Variants in HNF4A observed in about 807,000 individuals in gnomAD.
HNF4A encodes hepatocyte nuclear factor 4-alpha.
In HNF4A, 15 loss-of-function variants were observed where a neutral mutation model predicts 52.4. The observed-to-expected ratio is 0.29, with a 90% CI of 0.19 to 0.44. The LOEUF is 0.44. Among genes scored for constraint, HNF4A ranks in the 20% least tolerant of loss-of-function variants. The probability of loss-of-function intolerance (pLI) is 1.00; values close to 1 mark genes in which losing one functional copy is unlikely to be tolerated. For missense variants in HNF4A, 479 were observed against 647.2 expected, an observed-to-expected ratio of 0.74 and a Z score of 2.82; for synonymous variants, 280 against 264.4, an observed-to-expected ratio of 1.06 and a Z score of -0.57.
At position 44,424,102 on chromosome 20, in the gene HNF4A, G is replaced by A. The variant is rs753027685; in HGVS notation, c.977G>A (p.Arg326His). ...AGCTTGGAGGACTACATCAACGACC[G>A]CCAGTATGACTCGCGTGGCCGCTTT... is the stretch of plus-strand genomic sequence containing the variant. The change falls in exon 8 of 10, where the codon CGC becomes CAC. Residue 326 changes from arginine to histidine, a missense_variant. By Grantham distance (29) the Arg-to-His change is conservative. Transcript: ENST00000316099. The A allele has an allele frequency of 5.6e-6, 9 of 1,613,306 alleles. No individual in the cohort carries two copies. The highest frequency in any genetic ancestry group is 3.3e-5 in the Admixed American group (2 of 59,978).
intron 1 of HNF4A, 126 bp from the exon 2 acceptor site, chr20:44,405,932 T>G (rs1332293155): frequency 8.0e-6 from 7 of 875,338 alleles, no homozygotes; most frequent in African/African-American, 1.6e-5. Context: ...AGTGGGGAGG[T>G]GATGGAGTGG....
chr20:44,372,898 T>C (rs1474806597), intron 1 of HNF4A: 1 of 152,180 alleles, frequency 6.6e-6, no homozygotes, highest in East Asian at 1.9e-4. Flanking sequence ...AAGGGGCTAA[T>C]AGGGTAGTGG....
At position 44,428,454 on chromosome 20, in the gene HNF4A, A is replaced by G; in HGVS notation, c.1249A>G (p.Met417Val). ...GCCCACTCACCTCAGCAACGGACAG[A>G]TGTGTGAGTGGCCCCGACCCAGGGG... The change falls in exon 9 of 10, where the codon ATG (methionine) becomes GTG (valine). Residue 417 changes from methionine to valine, a missense_variant. Physicochemically the swap from Met to Val is conservative, Grantham distance 21. Coordinates refer to ENST00000316099, the MANE Select transcript of HNF4A (RefSeq NM_000457.6). 1 of 1,614,150 alleles carries G rather than the reference A, an allele frequency of 6.2e-7. No individual in the cohort carries two copies. Among genetic ancestry groups the G allele is most frequent in the Non-Finnish European group, 8.5e-7 (1 of 1,180,024 alleles).
chr20:44,415,677 G>A (rs2146423052), intron 5 of HNF4A, among the ~76,000 whole-genome samples: 1 of 152,344 alleles, frequency 6.6e-6, no homozygotes, highest in South Asian at 2.1e-4. Flanking sequence ...GTCTCGTCCA[G>A]GCAGTTGTTT....
chr20:44,409,363 A>C (rs150066202), intron 3 of HNF4A, among the ~76,000 whole-genome samples: 1 of 152,366 alleles, frequency 6.6e-6, no homozygotes, highest in East Asian at 1.9e-4. Context: ...GGAGGCAAGA[A>C]AAAGATTGAG....
downstream of HNF4A, chr20:44,433,935 G>T (rs1226866486): frequency 6.6e-6 from 1 of 152,172 alleles, no homozygotes; most frequent in Non-Finnish European, 1.5e-5. Context: ...ATTGGTTATT[G>T]CCGGAGTGTT....
chr20:44,411,171 C>T (rs1336783472), intron 3 of HNF4A, among the ~76,000 whole-genome samples: 1 of 152,108 alleles, frequency 6.6e-6, no homozygotes, highest in Non-Finnish European at 1.5e-5. Flanking sequence ...AGGAGGTGAG[C>T]GTAGGTGATG....
chr20:44,386,649 A>G (rs539024576), intron 1 of HNF4A, among the ~76,000 whole-genome samples: 10 of 152,268 alleles, frequency 6.6e-5, no homozygotes, highest in African/African-American at 2.4e-4. Context: ...TGATTATCAC[A>G]CCTTGAGGGT....
At chr20:44,381,170 A>G (rs958964246) in intron 1 of HNF4A, among the ~76,000 whole-genome samples, 7 of 152,178 alleles carry the variant, frequency 4.6e-5, no homozygotes, top group African/African-American at 1.7e-4. Context: ...CTGTGGTAGA[A>G]CAATTGTATT....
intron 9 of HNF4A, among the ~76,000 whole-genome samples, chr20:44,428,928 C>G (rs2063843574): frequency 6.6e-6 from 1 of 152,122 alleles, no homozygotes; most frequent in Non-Finnish European, 1.5e-5. Context: ...GGGCAAAGCT[C>G]TTCAAAGGAT....
intron 7 of HNF4A, among the ~76,000 whole-genome samples, chr20:44,422,930 C>T (rs998452469): frequency 5.9e-5 from 9 of 152,038 alleles, no homozygotes; most frequent in Non-Finnish European, 1.0e-4. Flanking sequence ...CCCCCCGCCT[C>T]GGCCTCTGAC....
intron 1 of HNF4A, among the ~76,000 whole-genome samples, chr20:44,383,254 T>G (rs569565376): frequency 3.0e-4 from 46 of 152,302 alleles, no homozygotes; most frequent in Non-Finnish European, 5.9e-5. Flanking sequence ...ACTCACTAAG[T>G]GCCAGGCACA....
At chr20:44,407,952 G>A (rs1432665835) in intron 3 of HNF4A, among the ~76,000 whole-genome samples, 2 of 152,122 alleles carry the variant, frequency 1.3e-5, no homozygotes, top group South Asian at 2.1e-4. Flanking sequence ...GTATTCATTC[G>A]TGGGTATCAC....
At chr20:44,402,592 C>T (rs1600699303) in intron 1 of HNF4A, 1 of 1,365,970 alleles carries the variant, frequency 7.3e-7, no homozygotes, top group Non-Finnish European at 9.8e-7. Context: ...TGAGGCATCC[C>T]CTCCGACATC....
At chr20:44,417,934 A>G (rs1044217351) in intron 5 of HNF4A, among the ~76,000 whole-genome samples, 18 of 149,752 alleles carry the variant, frequency 1.2e-4, no homozygotes, top group Admixed American at 2.7e-4. Context: ...ATGCCACTGC[A>G]CTCCAGCCTG....
chr20:44,404,728 C>CGTG (rs2063460880), intron 1 of HNF4A, among the ~76,000 whole-genome samples: 1 of 41,188 alleles, frequency 2.4e-5, no homozygotes, highest in Non-Finnish European at 6.1e-5. Flanking sequence ...TGTGTGGACT[C>CGTG]TGTGTTCATG....
intron 7 of HNF4A, among the ~76,000 whole-genome samples, chr20:44,422,335 G>A (rs2063757930): frequency 6.6e-6 from 1 of 152,172 alleles, no homozygotes; most frequent in African/African-American, 2.4e-5. Context: ...AGAGGCAGCA[G>A]CCTCCAGCAA....
chr20:44,419,939 C>T, intron 7 of HNF4A, 63 bp downstream of exon 7: 3 of 1,524,724 alleles, frequency 2.0e-6, no homozygotes, highest in Non-Finnish European at 2.7e-6. Context: ...CCAGACTTCT[C>T]CTATTGGGTT....
chr20:44,373,173 A>G (rs2063051364), intron 1 of HNF4A, among the ~76,000 whole-genome samples: 1 of 152,158 alleles, frequency 6.6e-6, no homozygotes, highest in South Asian at 2.1e-4. Context: ...TTTAAGAGAT[A>G]GGGTTTTGCT....
Sources: gnomAD v4.1 joint callset for allele counts (sites outside exome capture counted in the v4.1 genomes callset) on GRCh38, gnomAD v4.1.1 for gene constraint, MANE v1.5 for transcripts, NCBI Gene and HGNC (gene_info 2026-07-23, HGNC 2026-07-21) for gene names.